The following DUSP13B variants were observed in gnomAD, a reference collection of about 807,000 sequenced individuals.
The protein encoded by DUSP13B is dual specificity protein phosphatase 13B.
chr10:75,107,035 T>C, the DUSP13B span, among the ~76,000 whole-genome samples: 1 of 152,284 alleles, frequency 6.6e-6, no homozygotes, highest in Admixed American at 6.5e-5. Context: ...ATTTCTTTTC[T>C]AGTTAAAAGT....
At chr10:75,104,223 T>C in the DUSP13B span, 1 of 530,148 alleles carries the variant, frequency 1.9e-6, no homozygotes, top group Non-Finnish European at 3.0e-6. Context: ...GTGCATAAGG[T>C]CAAGTGAGTG....
the DUSP13B span, chr10:75,097,978 C>T: frequency 7.0e-4 from 815 of 1,159,038 alleles, no homozygotes; most frequent in Middle Eastern, 4.8e-3. Context: ...GCCTAGGTGC[C>T]ACGGGGATGC....
At chr10:75,103,290 A>T in the DUSP13B span, among the ~76,000 whole-genome samples, 3 of 152,254 alleles carry the variant, frequency 2.0e-5, no homozygotes, top group Non-Finnish European at 2.9e-5. Context: ...CCGATGGGAC[A>T]GGTCCAGGAT....
At chr10:75,108,056 A>G in the DUSP13B span, 1 of 1,613,914 alleles carries the variant, frequency 6.2e-7, no homozygotes, top group Non-Finnish European at 8.5e-7. Flanking sequence ...CACTGATGTC[A>G]AAATCAGGGA....
At chr10:75,102,888 G>T in the DUSP13B span, among the ~76,000 whole-genome samples, 1 of 152,072 alleles carries the variant, frequency 6.6e-6, no homozygotes, top group Admixed American at 6.6e-5. Context: ...GGAGGTGGGG[G>T]TTGTAGTGAG....
At chr10:75,099,628 T>G in the DUSP13B span, 1 of 1,044,992 alleles carries the variant, frequency 9.6e-7, no homozygotes, top group Non-Finnish European at 1.2e-6. Flanking sequence ...GGCCCTCCGG[T>G]CCCTCTAAAC....
the DUSP13B span, among the ~76,000 whole-genome samples, chr10:75,100,487 C>T: frequency 1.3e-5 from 2 of 152,334 alleles, no homozygotes; most frequent in African/African-American, 4.8e-5. Context: ...GTTGTGGCAG[C>T]TCCGCCGGTT....
the DUSP13B span, among the ~76,000 whole-genome samples, chr10:75,098,345 AC>A: frequency 6.6e-6 from 1 of 151,526 alleles, no homozygotes; most frequent in African/African-American, 2.4e-5. Context: ...TCATCCTCAG[AC>A]CCCCGTCCCC....
At chr10:75,099,360 T>G in the DUSP13B span, 14 of 1,232,072 alleles carry the variant, frequency 1.1e-5, no homozygotes, top group African/African-American at 1.6e-5. Context: ...AAGGCGGAAG[T>G]GAAGACCAAG....
the DUSP13B span, among the ~76,000 whole-genome samples, chr10:75,096,576 CAAAA>C: frequency 6.2e-5 from 5 of 80,804 alleles, no homozygotes; most frequent in Admixed American, 2.5e-4. Context: ...GACCCCGCCT[CAAAA>C]AAAAAAAAAA....
the DUSP13B span, among the ~76,000 whole-genome samples, chr10:75,098,291 C>T: frequency 6.6e-6 from 1 of 152,182 alleles, no homozygotes; most frequent in Non-Finnish European, 1.5e-5. Context: ...CCCCACCAAC[C>T]TAAGCAGCTC....
the DUSP13B span, chr10:75,108,414 G>T: frequency 3.3e-6 from 3 of 914,638 alleles, no homozygotes; most frequent in Non-Finnish European, 4.7e-6. Flanking sequence ...TGTGTGTGTC[G>T]GGGGATCTTT....
At chr10:75,103,928 G>A in the DUSP13B span, 4 of 1,316,364 alleles carry the variant, frequency 3.0e-6, no homozygotes, top group African/African-American at 3.0e-5. Flanking sequence ...GAGAGGGGGT[G>A]TAGGCGCCAG....
At chr10:75,106,007 C>A in the DUSP13B span, 6 of 740,582 alleles carry the variant, frequency 8.1e-6, no homozygotes, top group Admixed American at 1.5e-4. Context: ...CCTTTATGGA[C>A]CTCAGTTTCC....
the DUSP13B span, among the ~76,000 whole-genome samples, chr10:75,097,207 C>CT: frequency 0.079 from 11,762 of 149,340 alleles, 644 homozygotes; most frequent in African/African-American, 0.15. Flanking sequence ...TTCCTTTTTC[C>CT]TTTTTTTTTT....
the DUSP13B span, chr10:75,105,818 C>G: frequency 1.3e-6 from 2 of 1,550,936 alleles, no homozygotes; most frequent in Non-Finnish European, 1.7e-6. Flanking sequence ...TAGGCCAGGA[C>G]CAGCGTGGCA....
chr10:75,105,748 C>T, the DUSP13B span: 100 of 1,554,118 alleles, frequency 6.4e-5, no homozygotes, highest in Admixed American at 3.3e-4. Context: ...GAAGACCCAT[C>T]GGTGCTGCCT....
chr10:75,107,645 C>T, the DUSP13B span, among the ~76,000 whole-genome samples: 2 of 152,016 alleles, frequency 1.3e-5, no homozygotes, highest in African/African-American at 2.4e-5. Flanking sequence ...GGCATGATCT[C>T]GGCTCACTGC....
chr10:75,099,897 G>T, the DUSP13B span, among the ~76,000 whole-genome samples: 1 of 152,174 alleles, frequency 6.6e-6, no homozygotes, highest in African/African-American at 2.4e-5. Flanking sequence ...GGTCTGACCC[G>T]AGAATGAGAG....
Sources: allele counts gnomAD v4.1 joint callset (sites outside exome capture counted in the v4.1 genomes callset), GRCh38; gene constraint gnomAD v4.1.1; transcripts MANE v1.5; gene names NCBI Gene and HGNC (gene_info 2026-07-23, HGNC 2026-07-21).